MATN2: variants seen among roughly 807,000 people sequenced by gnomAD.
MATN2 encodes matrilin 2, also known as matrilin-2.
In MATN2, 69 loss-of-function variants were observed where a neutral mutation model predicts 103.2. The ratio of observed to expected loss-of-function variants is 0.67; its 90% CI spans 0.55 to 0.82. The LOEUF is 0.82. Among genes scored for constraint, MATN2 ranks in the 40% least tolerant of loss-of-function variants. The pLI, the probability that MATN2 is intolerant of heterozygous loss-of-function variation, is 0.00. For synonymous variants in MATN2, 429 were observed against 450.2 expected (o/e 0.95, Z 0.60); for missense variants, 1,023 against 1,211.5 (o/e 0.84, Z 2.31).
intron 13 of MATN2, among the ~76,000 whole-genome samples, chr8:98,022,576 T>C (rs1169067322): frequency 6.6e-6 from 1 of 152,172 alleles, no homozygotes; most frequent in Non-Finnish European, 1.5e-5. Flanking sequence ...CAAATACCAA[T>C]GTGACTGTCA....
In MATN2 at chr8:98,003,707, C is replaced by T. The variant is rs754424349; in HGVS notation, c.1251C>T (p.Cys417=). Reference sequence around the variant, plus strand: ...ACAAACCGGGCTGTGAGCATGAGTGCGTCAACATGGAGGAGAGCTACTACT... The same window carrying T: ...ACAAACCGGGCTGTGAGCATGAGTGTGTCAACATGGAGGAGAGCTACTACT... ...ALNKPGCEHE[C]VNMEESYYCR... Residue 417 remains cysteine (C), a synonymous_variant, in exon 8 of 19, where the codon TGC becomes TGT. Coordinates refer to ENST00000254898, the MANE Select transcript of MATN2 (RefSeq NM_002380.5). 33 of 1,613,732 alleles carry T rather than the reference C, an allele frequency of 2.0e-5. No individual in the cohort carries two copies. Among genetic ancestry groups the T allele is most frequent in the Non-Finnish European group, 2.6e-5 (31 of 1,179,804 alleles).
intron 1 of MATN2, among the ~76,000 whole-genome samples, chr8:97,875,261 C>T (rs1173377957): frequency 6.6e-6 from 1 of 152,148 alleles, no homozygotes; most frequent in Non-Finnish European, 1.5e-5. Flanking sequence ...TAATAACCAC[C>T]CCCTTCCAGA....
At chr8:97,945,717 A>AAATATATATATATATATATAT (rs59472539) in intron 4 of MATN2, among the ~76,000 whole-genome samples, 8 of 121,808 alleles carry the variant, frequency 6.6e-5, no homozygotes, top group African/African-American at 2.5e-4. Flanking sequence ...AAAAAAAAAA[A>AAATATATATATATATATATAT]ATATATATAT....
intron 2 of MATN2, among the ~76,000 whole-genome samples, chr8:97,911,589 C>A (rs987712750): frequency 3.3e-5 from 5 of 151,698 alleles, no homozygotes; most frequent in Non-Finnish European, 4.4e-5. Context: ...TGCCTGTAGT[C>A]CCAGCTACTC....
intron 2 of MATN2, among the ~76,000 whole-genome samples, chr8:97,902,587 A>C (rs543708254): frequency 6.6e-6 from 1 of 152,266 alleles, no homozygotes; most frequent in South Asian, 2.1e-4. Context: ...GCTCTTAGCA[A>C]AAATTCTGAA....
chr8:97,978,364 A>G (rs1325016285), intron 5 of MATN2, among the ~76,000 whole-genome samples: 1 of 152,206 alleles, frequency 6.6e-6, no homozygotes, highest in East Asian at 1.9e-4. Flanking sequence ...TTCAATGTTC[A>G]TCTTATTTTC....
chr8:97,998,050 A>C (rs1418266392), intron 7 of MATN2, among the ~76,000 whole-genome samples: 1 of 149,576 alleles, frequency 6.7e-6, no homozygotes, highest in Non-Finnish European at 1.5e-5. Flanking sequence ...AAACTCCTGG[A>C]CTCAAGTGAT....
Position 97,931,357 on chromosome 8 carries a change from A to G in MATN2, c.547A>G (p.Lys183Glu). Residue 183 changes from lysine (K) to glutamate (E), a missense_variant, in exon 3 of 19, where the codon AAG (lysine) becomes GAG (glutamate). Physicochemically the swap from Lys to Glu is moderately conservative, Grantham distance 56 (BLOSUM62 1). Transcript: ENST00000254898. The surrounding 1 kb of genome is among the most constrained non-coding windows in gnomAD (Gnocchi z 4.1). ...GGACTCCGTGGCCGAGGTGGCTGCT[A>G]AGGCACGGGACACGGGCATCCTAAT... ...PQDSVAEVAA[K>E]ARDTGILIFA... The G allele has an allele frequency of 1.2e-6, 2 of 1,613,910 alleles. No individual in the cohort carries two copies. Among genetic ancestry groups the G allele is most frequent in the South Asian group, 2.2e-5 (2 of 91,086 alleles).
chr8:97,957,729 C>T (rs1284671668), intron 4 of MATN2, among the ~76,000 whole-genome samples: 2 of 152,156 alleles, frequency 1.3e-5, no homozygotes, highest in East Asian at 1.9e-4. Context: ...GAGACTGACT[C>T]CTGGATCTGG....
intron 3 of MATN2, among the ~76,000 whole-genome samples, chr8:97,937,232 A>C (rs1163997711): frequency 6.6e-6 from 1 of 152,150 alleles, no homozygotes; most frequent in East Asian, 1.9e-4. Context: ...TCCCCGATGC[A>C]AGGTGTCTGG....
At chr8:98,035,458 A>G (rs1044336009) in intron 18 of MATN2, among the ~76,000 whole-genome samples, 199 bp from the exon 19 acceptor site, 3 of 152,000 alleles carry the variant, frequency 2.0e-5, no homozygotes, top group Non-Finnish European at 4.4e-5. Context: ...AAAAAAACCC[A>G]AAATATTTGT....
chr8:97,966,163 A>C (rs1811471981), intron 5 of MATN2, among the ~76,000 whole-genome samples: 1 of 152,094 alleles, frequency 6.6e-6, no homozygotes, highest in African/African-American at 2.4e-5. Flanking sequence ...GTCTCAAAAA[A>C]AAAATAAATG....
At chr8:97,997,971 C>T (rs888277902) in intron 7 of MATN2, among the ~76,000 whole-genome samples, 1 of 151,640 alleles carries the variant, frequency 6.6e-6, no homozygotes, top group African/African-American at 2.4e-5. Flanking sequence ...AGGCGTGCAC[C>T]ATCATGCCTG....
At chr8:97,967,185 C>T (rs1419584357) in intron 5 of MATN2, among the ~76,000 whole-genome samples, 1 of 152,172 alleles carries the variant, frequency 6.6e-6, no homozygotes, top group Non-Finnish European at 1.5e-5. Context: ...TCCAATACCT[C>T]CCACTAAGCC....
At chr8:97,920,634 G>A (rs1809778749) in intron 2 of MATN2, among the ~76,000 whole-genome samples, 1 of 152,196 alleles carries the variant, frequency 6.6e-6, no homozygotes, top group Non-Finnish European at 1.5e-5. Flanking sequence ...TTTGTCAGGA[G>A]AGTCTCTCTC....
Position 98,027,579 on chromosome 8 carries a change from G to A in MATN2, c.2106G>A (p.Gln702=). ...ARVGLLQYST[Q]VHTEFTLRNF... is the part of the protein sequence containing the mutation. ...TGGGGCTGCTCCAGTATTCCACACAGGTCCACACAGAGTTCACTCTGAGAA... is the reference window on the plus strand; with the variant it reads ...TGGGGCTGCTCCAGTATTCCACACAAGTCCACACAGAGTTCACTCTGAGAA... Residue 702 remains glutamine (Q), a synonymous_variant, in exon 14 of 19, where the codon CAG becomes CAA. Coordinates refer to ENST00000254898, the MANE Select transcript of MATN2 (RefSeq NM_002380.5). 6.2e-7 allele frequency: 1 copy of A among 1,613,862 alleles called. No homozygotes were observed. Among genetic ancestry groups the A allele is most frequent in the Non-Finnish European group, 8.5e-7 (1 of 1,179,842 alleles).
intron 6 of MATN2, among the ~76,000 whole-genome samples, chr8:97,987,528 C>CT (rs1812234331): frequency 6.6e-6 from 1 of 152,110 alleles, no homozygotes; most frequent in Non-Finnish European, 1.5e-5. Context: ...CTTCTTCTTG[C>CT]TTTTTTATCA....
At chr8:97,987,611 GTTA>G (rs1410431073) in intron 6 of MATN2, among the ~76,000 whole-genome samples, 1 of 152,046 alleles carries the variant, frequency 6.6e-6, no homozygotes, top group African/African-American at 2.4e-5. Flanking sequence ...GTTTATTGGT[GTTA>G]TTATTTGATT....
At position 98,031,123 on chromosome 8, in the gene MATN2, G is replaced by A. The variant is rs557130632; in HGVS notation, c.2509+509G>A. 1.8e-4 allele frequency among the ~76,000 whole-genome samples: 27 copies of A among 152,212 alleles called. 1 individual carries two copies. The South Asian group carries it at 2.3e-3, about 13-fold the overall frequency. On this transcript the variant is annotated intron_variant, in intron 15 of 18. Coordinates refer to ENST00000254898, the MANE Select transcript of MATN2 (RefSeq NM_002380.5). Reference sequence around the variant, plus strand: ...AGGCTGCGGTGGGAGGATTGCTCGAGCCCAGGAGTTCAAGACCAGTTTAGG... The same window carrying A: ...AGGCTGCGGTGGGAGGATTGCTCGAACCCAGGAGTTCAAGACCAGTTTAGG...
Sources: gnomAD v4.1 joint callset for allele counts (sites outside exome capture counted in the v4.1 genomes callset) on GRCh38, gnomAD v4.1.1 for gene constraint, Gnocchi (gnomAD v3.1) non-coding constraint, MANE v1.5 for transcripts, NCBI Gene and HGNC (gene_info 2026-07-23, HGNC 2026-07-21) for gene names.